Variants in CTNNA3 observed in about 807,000 individuals in gnomAD.
CTNNA3 encodes catenin alpha-3.
Under a neutral mutation model 95.7 loss-of-function variants are expected in CTNNA3, and 76 were observed. That is an observed-to-expected ratio of 0.79 (90% confidence interval 0.66 to 0.96). The LOEUF (loss-of-function observed/expected upper bound fraction) is 0.96. Ranked by LOEUF, CTNNA3 falls within the 40% of genes least tolerant of loss-of-function variation. The pLI is 0.00. For synonymous variants in CTNNA3, 431 were observed against 374.4 expected (o/e 1.15, Z -1.74); for missense variants, 1,191 against 1,089.8 (o/e 1.09, Z -1.31).
chr10:66,012,085 A>G (rs569607281), intron 15 of CTNNA3, among the ~76,000 whole-genome samples: 2 of 152,340 alleles, frequency 1.3e-5, no homozygotes, highest in Admixed American at 1.3e-4. Context: ...GTATTTGTTT[A>G]TTAATTTATT....
At chr10:66,002,049 T>C (rs958141951) in intron 15 of CTNNA3, among the ~76,000 whole-genome samples, 3 of 152,160 alleles carry the variant, frequency 2.0e-5, no homozygotes, top group African/African-American at 7.2e-5. Flanking sequence ...CCTAGGATTA[T>C]ATAAATTAGC....
chr10:66,071,508 G>A (rs552096757), intron 14 of CTNNA3, among the ~76,000 whole-genome samples: 53 of 151,780 alleles, frequency 3.5e-4, no homozygotes, highest in Middle Eastern at 3.4e-3. Flanking sequence ...GTCAATGGTA[G>A]AATCAGGATG....
chr10:67,225,080 G>A (rs908304273), intron 5 of CTNNA3, among the ~76,000 whole-genome samples: 6 of 152,128 alleles, frequency 3.9e-5, no homozygotes, highest in Non-Finnish European at 7.4e-5. Context: ...TGGGAGCTGG[G>A]TGAGGCCTGT....
chr10:66,530,588 T>C (rs1841431443), intron 10 of CTNNA3, among the ~76,000 whole-genome samples: 1 of 152,200 alleles, frequency 6.6e-6, no homozygotes, highest in African/African-American at 2.4e-5. Flanking sequence ...TGAATCTCCA[T>C]GTCAGAACTT....
chr10:66,134,168 GA>G (rs1329557003), intron 13 of CTNNA3, among the ~76,000 whole-genome samples: 9 of 151,858 alleles, frequency 5.9e-5, no homozygotes, highest in Non-Finnish European at 1.0e-4. Context: ...TAAAAACCAA[GA>G]AAAAAGAACA....
chr10:66,430,283 G>A (rs1476372629), intron 11 of CTNNA3, among the ~76,000 whole-genome samples: 1 of 152,112 alleles, frequency 6.6e-6, no homozygotes, highest in Admixed American at 6.6e-5. Context: ...AACATTCCAT[G>A]CTCATGGACA....
At chr10:66,346,498 T>C (rs2092521488) in intron 12 of CTNNA3, among the ~76,000 whole-genome samples, 2 of 151,956 alleles carry the variant, frequency 1.3e-5, no homozygotes, top group South Asian at 2.1e-4. Flanking sequence ...TGGATGGTCT[T>C]GATCTTTTGA....
intron 16 of CTNNA3, 45 bp from the exon 17 acceptor site, chr10:65,966,791 ATAGT>A: frequency 6.7e-7 from 1 of 1,492,076 alleles, no homozygotes; most frequent in Non-Finnish European, 9.2e-7. Flanking sequence ...AGAATAAATA[ATAGT>A]TAGATCAAGG....
intron 11 of CTNNA3, among the ~76,000 whole-genome samples, chr10:66,402,929 T>C (rs2093031354): frequency 1.3e-5 from 2 of 152,272 alleles, no homozygotes; most frequent in African/African-American, 4.8e-5. Context: ...TCCAAGTTTT[T>C]TCCCGAGGGC....
intron 10 of CTNNA3, among the ~76,000 whole-genome samples, chr10:66,533,610 C>G (rs1841545765): frequency 6.6e-6 from 1 of 152,026 alleles, no homozygotes; most frequent in East Asian, 1.9e-4. Context: ...TGTTATTTTC[C>G]CAGGGTACGT....
chr10:67,372,756 C>G (rs1297385621), intron 5 of CTNNA3, among the ~76,000 whole-genome samples: 1 of 152,160 alleles, frequency 6.6e-6, no homozygotes, highest in Non-Finnish European at 1.5e-5. Context: ...AAGGGAAGCC[C>G]ATCAGACTAA....
chr10:67,156,116 A>G (rs1861300319), intron 7 of CTNNA3, among the ~76,000 whole-genome samples: 1 of 151,842 alleles, frequency 6.6e-6, no homozygotes, highest in South Asian at 2.1e-4. Flanking sequence ...GATCCTTTCT[A>G]TTTCTGTTGT....
intron 10 of CTNNA3, among the ~76,000 whole-genome samples, chr10:66,566,344 T>C (rs1328017067): frequency 6.6e-6 from 1 of 152,136 alleles, no homozygotes; most frequent in Non-Finnish European, 1.5e-5. Flanking sequence ...ATCACTAGTG[T>C]CCTAGATCAT....
chr10:67,031,055 T>C (rs2133109578), intron 7 of CTNNA3, among the ~76,000 whole-genome samples: 1 of 152,308 alleles, frequency 6.6e-6, no homozygotes, highest in African/African-American at 2.4e-5. Context: ...ACACAGCCTC[T>C]GAACACACAT....
chr10:66,367,865 AATAATAATAATAATAATTATTATTATT>A lies in CTNNA3; in HGVS notation c.1732+11260_1732+11286del, dbSNP rs1365368424. 3.5e-3 allele frequency among the ~76,000 whole-genome samples: 181 copies of A among 51,414 alleles called. 2 individuals are homozygous for A. The South Asian group carries it at 0.057, about 16-fold the overall frequency. The allele number at this position is 51,414 out of a possible 152,430, so 33.7% of individuals were successfully genotyped here. On this transcript the variant is annotated intron_variant, in intron 12 of 17. Coordinates refer to ENST00000433211, the MANE Select transcript of CTNNA3 (RefSeq NM_013266.4). ...AGGCTTCTTTTATAATAATAATAAT[AATAATAATAATAATAATTATTATTATT>A]ATTATTATTATTATTATTATTATTA...
chr10:67,224,703 A>C (rs1004078830), intron 5 of CTNNA3, among the ~76,000 whole-genome samples: 2 of 152,144 alleles, frequency 1.3e-5, no homozygotes. Flanking sequence ...AAGCAGCAGA[A>C]AGTCCCTAGG....
intron 12 of CTNNA3, among the ~76,000 whole-genome samples, chr10:66,362,140 G>C (rs1285839430): frequency 3.4e-5 from 4 of 116,484 alleles, no homozygotes; most frequent in South Asian, 5.3e-4. Context: ...GTCTTGCTCT[G>C]TCACCAGGCT....
At chr10:66,013,490 G>A (rs920563391) in intron 15 of CTNNA3, among the ~76,000 whole-genome samples, 4 of 152,236 alleles carry the variant, frequency 2.6e-5, no homozygotes, top group Non-Finnish European at 4.4e-5. Flanking sequence ...GGAGCCCCTA[G>A]TAATAACATG....
chr10:66,246,926 G>T (rs2132056668), intron 13 of CTNNA3, among the ~76,000 whole-genome samples: 1 of 151,922 alleles, frequency 6.6e-6, no homozygotes, highest in South Asian at 2.1e-4. Context: ...AGTGGTGGGT[G>T]CCTGTAGTCC....
Sources: gnomAD v4.1 joint callset for allele counts (sites outside exome capture counted in the v4.1 genomes callset) on GRCh38, gnomAD v4.1.1 for gene constraint, MANE v1.5 for transcripts, NCBI Gene and HGNC (gene_info 2026-07-23, HGNC 2026-07-21) for gene names.